The following RFTN2 variants were observed in gnomAD, a reference collection of about 807,000 sequenced individuals.
RFTN2 encodes raftlin-2.
A neutral mutation model predicts 52.7 loss-of-function variants in RFTN2; 34 were observed. The ratio of observed to expected loss-of-function variants is 0.64; its 90% CI spans 0.49 to 0.86. The LOEUF (loss-of-function observed/expected upper bound fraction) is 0.86. Among genes scored for constraint, RFTN2 ranks in the 40% least tolerant of loss-of-function variants. The pLI is 0.00. For synonymous variants in RFTN2, 203 were observed against 217.7 expected (o/e 0.93, Z 0.59); for missense variants, 536 against 600.1 (o/e 0.89, Z 1.12).
intron 1 of RFTN2, among the ~76,000 whole-genome samples, chr2:197,651,696 C>T (rs2088830209): frequency 1.3e-5 from 2 of 152,090 alleles, no homozygotes; most frequent in Admixed American, 1.3e-4. Context: ...CTTCTGTTTT[C>T]TTCTAGGAGT....
chr2:197,620,030 G>A (rs1349317554), intron 5 of RFTN2, among the ~76,000 whole-genome samples: 5 of 151,438 alleles, frequency 3.3e-5, no homozygotes, highest in Admixed American at 1.3e-4. Context: ...ATTTGGTTTC[G>A]GATCTATACG....
intron 3 of RFTN2, among the ~76,000 whole-genome samples, chr2:197,643,748 A>C (rs1377761255): frequency 1.3e-5 from 2 of 152,086 alleles, no homozygotes; most frequent in Admixed American, 1.3e-4. Flanking sequence ...AAACTCCTTA[A>C]TCTATTCATT....
chr2:197,643,656 A>T (rs2088706021), intron 3 of RFTN2, among the ~76,000 whole-genome samples: 1 of 152,076 alleles, frequency 6.6e-6, no homozygotes, highest in Non-Finnish European at 1.5e-5. Flanking sequence ...CTCCTATAGG[A>T]CATGTCTGTT....
intron 8 of RFTN2, among the ~76,000 whole-genome samples, chr2:197,586,902 G>A (rs1191388066): frequency 6.6e-6 from 1 of 152,012 alleles, no homozygotes; most frequent in Non-Finnish European, 1.5e-5. Context: ...AATCAATCTG[G>A]CCTGGTGTAA....
intron 1 of RFTN2, among the ~76,000 whole-genome samples, chr2:197,660,620 C>T (rs944667587): frequency 1.3e-5 from 2 of 151,236 alleles, no homozygotes; most frequent in Non-Finnish European, 2.9e-5. Flanking sequence ...ACTGTGTCAC[C>T]CAGGCAACAA....
chr2:197,675,274 T>A (rs746691864), intron 1 of RFTN2, 46 bp downstream of exon 1: 15 of 1,464,232 alleles, frequency 1.0e-5, no homozygotes, highest in Non-Finnish European at 4.6e-6. Flanking sequence ...TGACTAGTAG[T>A]CTCATCTCTG....
At chr2:197,662,738 GTCTTT>G (rs1264261586) in intron 1 of RFTN2, among the ~76,000 whole-genome samples, 3 of 152,126 alleles carry the variant, frequency 2.0e-5, no homozygotes, top group Admixed American at 6.5e-5. Flanking sequence ...AGCATGAGAT[GTCTTT>G]TCTTTTGTTT....
At chr2:197,595,259 A>G (rs2087777605) in intron 8 of RFTN2, among the ~76,000 whole-genome samples, 1 of 152,254 alleles carries the variant, frequency 6.6e-6, no homozygotes. Context: ...AGGCACATTC[A>G]TTCACAAGAT....
At chr2:197,634,540 T>C (rs2088527449) in intron 3 of RFTN2, among the ~76,000 whole-genome samples, 1 of 152,090 alleles carries the variant, frequency 6.6e-6, no homozygotes, top group South Asian at 2.1e-4. Flanking sequence ...TACAAAGCTT[T>C]CTGATCGGCT....
intron 3 of RFTN2, among the ~76,000 whole-genome samples, chr2:197,639,899 G>A (rs2088633125): frequency 6.7e-6 from 1 of 149,084 alleles, no homozygotes. Context: ...TGATGATGGT[G>A]ATGTACAGAT....
chr2:197,614,907 T>C (rs918069252), intron 7 of RFTN2, among the ~76,000 whole-genome samples: 3 of 152,244 alleles, frequency 2.0e-5, no homozygotes, highest in Admixed American at 6.5e-5. Context: ...ACAGTTACTA[T>C]AGAGCTCTGG....
rs981785575 is a variant in RFTN2, at chr2:197,644,250, T to C, written c.346A>G (p.Ser116Gly). The C allele has an allele frequency of 1.2e-6, 2 of 1,610,028 alleles. No individual in the cohort carries two copies. Among genetic ancestry groups the C allele is most frequent in the Non-Finnish European group, 8.5e-7 (1 of 1,176,246 alleles). The change falls in exon 3 of 9, where the codon AGT becomes GGT. Residue 116 changes from serine to glycine, a missense_variant. Physicochemically the swap from Ser to Gly is moderately conservative, Grantham distance 56. Coordinates refer to ENST00000295049, the MANE Select transcript of RFTN2 (RefSeq NM_144629.3). The part of the protein sequence containing the change: ...KLSPKNSAAP[S>G]GQRRPRLVIE... ...ACGAGCCTTGGGCGTCTTTGTCCAC[T>C]GGGTGCTGCCGAATTCTTTGGGCTG...
chr2:197,662,503 T>G (rs2088991603), intron 1 of RFTN2, among the ~76,000 whole-genome samples: 1 of 152,242 alleles, frequency 6.6e-6, no homozygotes, highest in African/African-American at 2.4e-5. Context: ...TTGGCTACTA[T>G]AACCTTCTAA....
intron 5 of RFTN2, among the ~76,000 whole-genome samples, chr2:197,627,810 A>G (rs1275374828): frequency 6.7e-6 from 1 of 148,694 alleles, no homozygotes; most frequent in Non-Finnish European, 1.5e-5. Context: ...CTGAGAAGGA[A>G]TTTCACAGAT....
chr2:197,602,025 T>C (rs2087888620), intron 7 of RFTN2, among the ~76,000 whole-genome samples: 1 of 151,984 alleles, frequency 6.6e-6, no homozygotes, highest in African/African-American at 2.4e-5. Context: ...AAAATGAAAC[T>C]AAAAAAAAGT....
At chr2:197,670,859 C>T (rs1244063535) in intron 1 of RFTN2, among the ~76,000 whole-genome samples, 1 of 152,142 alleles carries the variant, frequency 6.6e-6, no homozygotes, top group Non-Finnish European at 1.5e-5. Context: ...TCATTATTTC[C>T]ATAGCCACTC....
chr2:197,671,821 G>C (rs2089151716), intron 1 of RFTN2, among the ~76,000 whole-genome samples: 1 of 152,126 alleles, frequency 6.6e-6, no homozygotes, highest in African/African-American at 2.4e-5. Flanking sequence ...TTTTAGTATT[G>C]TAGAACCTCT....
intron 1 of RFTN2, among the ~76,000 whole-genome samples, chr2:197,662,170 T>C (rs936863896): frequency 6.6e-6 from 1 of 152,224 alleles, no homozygotes; most frequent in Non-Finnish European, 1.5e-5. Flanking sequence ...TTTAGGTGCC[T>C]GTGCTTTTGA....
intron 8 of RFTN2, among the ~76,000 whole-genome samples, chr2:197,582,291 T>C (rs2087523392): frequency 6.6e-6 from 1 of 152,260 alleles, no homozygotes; most frequent in Non-Finnish European, 1.5e-5. Context: ...TCACTCTTTG[T>C]TGAGTCTCCC....
Sources: gnomAD v4.1 joint callset for allele counts (sites outside exome capture counted in the v4.1 genomes callset) on GRCh38, gnomAD v4.1.1 for gene constraint, MANE v1.5 for transcripts, NCBI Gene and HGNC (gene_info 2026-07-23, HGNC 2026-07-21) for gene names.